Variants in VWF observed in about 807,000 individuals in gnomAD.
VWF encodes von Willebrand factor, also known as Factor VIII related antigen.
Under a neutral mutation model 308.6 loss-of-function variants are expected in VWF, and 176 were observed. That is an observed-to-expected ratio of 0.57 (90% confidence interval 0.50 to 0.65). The LOEUF (loss-of-function observed/expected upper bound fraction) is 0.65. Among genes scored for constraint, VWF ranks in the 30% least tolerant of loss-of-function variants. The pLI, the probability that VWF is intolerant of heterozygous loss-of-function variation, is 0.00. For synonymous variants in VWF, 1,385 were observed against 1,443.4 expected, an observed-to-expected ratio of 0.96 and a Z score of 0.92; for missense variants, 3,146 against 3,648.2, an observed-to-expected ratio of 0.86 and a Z score of 3.55.
rs757717683 is a variant in VWF, at chr12:5,994,202, C to T, written c.6258G>A (p.Gly2086=). 6.2e-7 allele frequency: 1 copy of T among 1,614,050 alleles called. No individual in the cohort carries two copies. The highest frequency in any genetic ancestry group is 1.7e-5 in the Admixed American group (1 of 60,016). The change falls in exon 37 of 52, where the codon GGG becomes GGA. Residue 2086 remains glycine (G), a splice_region_variant and synonymous_variant. Coordinates refer to ENST00000261405, the MANE Select transcript of VWF (RefSeq NM_000552.5). Reference sequence around the variant, plus strand: ...CATTGGCTCCGTTCTCATCACAGATCCCTAGAGAAACAAACAAACAAAAAA... The same window carrying T: ...CATTGGCTCCGTTCTCATCACAGATTCCTAGAGAAACAAACAAACAAAAAA... ...TFASKTYGLC[G]ICDENGANDF...
In VWF at chr12:5,998,229, TG is replaced by T. The variant is rs112556679; in HGVS notation, c.5843-2008del. Among the ~76,000 whole-genome samples the T allele has an allele frequency of 1.7e-3, 258 of 151,964 alleles. 1 individual carries two copies. Among genetic ancestry groups the T allele is most frequent in the African/African-American group, 6.0e-3 (249 of 41,444 alleles). On this transcript the variant is annotated intron_variant, in intron 34 of 51. Coordinates refer to ENST00000261405, the MANE Select transcript of VWF (RefSeq NM_000552.5). ...ATATTGTCAAGTTGGCCGGGCACAG[TG>T]GCTCATACCTGTAATCTCAGCACTT...
At chr12:6,026,806 A>C (rs1944197838) in intron 22 of VWF, among the ~76,000 whole-genome samples, 1 of 152,212 alleles carries the variant, frequency 6.6e-6, no homozygotes, top group Non-Finnish European at 1.5e-5. Context: ...GTTTGAGGGA[A>C]CAGATATAGT....
rs146232359 is a variant in VWF, at chr12:6,035,545, G to C, written c.2547-719C>G. Among the ~76,000 whole-genome samples the C allele has an allele frequency of 6.8e-4, 104 of 152,234 alleles. 1 individual carries two copies. In the East Asian group the frequency reaches 0.02, roughly 29 times the overall value. ...GCTGTGCACAGCCACCAAGTCAAAG[G>C]CAGGGTGAATGAGCAGGGTGAGGGG... On this transcript the variant is annotated intron_variant, in intron 19 of 51. Coordinates refer to ENST00000261405, the MANE Select transcript of VWF (RefSeq NM_000552.5).
intron 16 of VWF, among the ~76,000 whole-genome samples, chr12:6,051,291 T>TTC (rs1244812384): frequency 1.1e-4 from 3 of 28,480 alleles, no homozygotes; most frequent in African/African-American, 2.4e-4. Flanking sequence ...TTTTTCTTTT[T>TTC]TTTTTTTTTT....
chr12:6,102,254 C>T (rs962507663), intron 5 of VWF, among the ~76,000 whole-genome samples: 2 of 151,434 alleles, frequency 1.3e-5, no homozygotes, highest in Non-Finnish European at 2.9e-5. Context: ...CCAGCTTGGT[C>T]AACATGGTGA....
At position 6,072,414 on chromosome 12, in the gene VWF, G is replaced by T. The variant is rs780960745; in HGVS notation, c.1026C>A (p.Cys342Ter). Reference protein sequence around the residue: ...PEGQLLDEGLCVESTECPCVH... With the variant: ...PEGQLLDEGL ...CGCAGGGACACTCGGTGCTCTCCAC[G>T]CAGAGGCCTTCATCCAGGAGCTGTC... Residue 342 changes from cysteine to a stop codon, truncating the protein, a stop_gained, in exon 9 of 52, where the codon TGC becomes TGA. Transcript: ENST00000261405. LOFTEE classifies it high-confidence loss of function. 6.2e-7 allele frequency: 1 copy of T among 1,614,064 alleles called. No homozygotes were observed. Among genetic ancestry groups the T allele is most frequent in the Admixed American group, 1.7e-5 (1 of 60,012 alleles).
rs764859816 is a variant in VWF, at chr12:5,985,648, G to T, written c.6816C>A (p.Val2272=). ...GVQHQFLEAW[V]PDHQPCQICT... Reference sequence around the variant, plus strand: ...AGATCTGACAGGGCTGGTGGTCCGGGACCCAGGCTTCCAGGAACTGAGGGC... The same window carrying T: ...AGATCTGACAGGGCTGGTGGTCCGGTACCCAGGCTTCCAGGAACTGAGGGC... Residue 2272 remains valine, a synonymous_variant, in exon 39 of 52, where the codon GTC becomes GTA. Transcript: ENST00000261405. 1 of 1,614,130 alleles carries T rather than the reference G, an allele frequency of 6.2e-7. No homozygotes were observed.
intron 5 of VWF, among the ~76,000 whole-genome samples, chr12:6,104,557 C>T (rs188684868): frequency 5.9e-4 from 90 of 151,856 alleles, no homozygotes; most frequent in African/African-American, 2.1e-3. Context: ...ATGAGCCGGA[C>T]GTGGTGACAT....
At chr12:6,071,409 A>G (rs953904909) in intron 9 of VWF, 66 bp from the exon 10 acceptor site, 2 of 1,577,820 alleles carry the variant, frequency 1.3e-6, no homozygotes, top group Non-Finnish European at 1.7e-6. Flanking sequence ...AAATGGATTT[A>G]GAGCTCATGG....
chr12:6,011,682 G>A lies in VWF; in HGVS notation c.5777C>T (p.Ser1926Leu), dbSNP rs375136778. Residue 1926 changes from serine (S) to leucine (L), a missense_variant, in exon 34 of 52, where the codon TCG becomes TTG. Physicochemically the swap from Ser to Leu is moderately radical, Grantham distance 145. This residue lies in a region of VWF where 853 missense variants were observed against 1,177.8 expected (regional missense o/e 0.72). Transcript: ENST00000261405. ...RVNCDRGLRP[S>L]CPNSQSPVKV... ...AACAGGGGACTGGCTGTTAGGGCAC[G>A]AAGGCCTCAGCCCCCGGTCACAGTT... 30 of 1,613,750 alleles carry A rather than the reference G, an allele frequency of 1.9e-5. No homozygotes were observed. The highest frequency in any genetic ancestry group is 2.7e-5 in the African/African-American group (2 of 74,940).
chr12:6,049,419 G>A lies in VWF; in HGVS notation c.2187-2602C>T, dbSNP rs140195642. Among the ~76,000 whole-genome samples, 3 of 152,248 alleles carry A rather than the reference G, an allele frequency of 2.0e-5. No individual in the cohort carries two copies. The East Asian group carries it at 5.8e-4, about 29-fold the overall frequency. On this transcript the variant is annotated intron_variant, in intron 16 of 51. Coordinates refer to ENST00000261405, the MANE Select transcript of VWF (RefSeq NM_000552.5). The stretch of plus-strand genomic sequence containing the variant: ...CCAACCCTGTTCACCCAGGGGCCAA[G>A]GCGCACCTTCTCCCACCTTCTCTGT...
chr12:6,085,340 G>T (rs111984693), intron 6 of VWF, among the ~76,000 whole-genome samples: 4 of 152,178 alleles, frequency 2.6e-5, no homozygotes, highest in African/African-American at 9.7e-5. Flanking sequence ...TTCACTTGGC[G>T]ATTTGTCATT....
At chr12:5,970,906 C>G (rs1307708746) in intron 44 of VWF, among the ~76,000 whole-genome samples, 1 of 152,234 alleles carries the variant, frequency 6.6e-6, no homozygotes, top group African/African-American at 2.4e-5. Flanking sequence ...TGTGATTCTC[C>G]TAGCATCTGG....
At chr12:5,998,628 G>A (rs1369824430) in intron 34 of VWF, among the ~76,000 whole-genome samples, 2 of 149,492 alleles carry the variant, frequency 1.3e-5, no homozygotes, top group African/African-American at 2.5e-5. Context: ...TCTGAACACA[G>A]TGAAGAACAA....
chr12:6,087,738 G>A (rs377390714), intron 6 of VWF, among the ~76,000 whole-genome samples: 11 of 152,104 alleles, frequency 7.2e-5, no homozygotes, highest in East Asian at 3.9e-4. Flanking sequence ...GCATTCATGC[G>A]GCAGGTAGGG....
chr12:5,986,361 A>G (rs965644736), intron 38 of VWF, among the ~76,000 whole-genome samples: 2 of 152,378 alleles, frequency 1.3e-5, no homozygotes, highest in Middle Eastern at 6.8e-3. Context: ...CACAGGGTAC[A>G]CAGCAAAGAG....
At chr12:5,951,741 A>G in intron 50 of VWF, 103 bp downstream of exon 50, 1 of 1,258,136 alleles carries the variant, frequency 7.9e-7, no homozygotes, top group South Asian at 1.2e-5. Flanking sequence ...ACTCCAAAGA[A>G]CAGTCATGCG....
chr12:6,021,565 T>C (rs1366477866), intron 27 of VWF: 1 of 304,950 alleles, frequency 3.3e-6, no homozygotes, highest in African/African-American at 2.2e-5. Context: ...AGACTAGTCA[T>C]GACCTACAAG....
intron 5 of VWF, among the ~76,000 whole-genome samples, chr12:6,098,093 G>C (rs1187500811): frequency 2.0e-5 from 3 of 152,188 alleles, no homozygotes; most frequent in Non-Finnish European, 4.4e-5. Context: ...CCAAGAGATG[G>C]AATTACAAAT....
Sources: gnomAD v4.1 joint callset for allele counts (sites outside exome capture counted in the v4.1 genomes callset) on GRCh38, gnomAD v4.1.1 for gene constraint, gnomAD v4.1.1 regional missense constraint, MANE v1.5 for transcripts, NCBI Gene and HGNC (gene_info 2026-07-23, HGNC 2026-07-21) for gene names.